Variants in SHARPIN observed in about 807,000 individuals in gnomAD.
The protein encoded by SHARPIN is SHANK associated RH domain interactor.
SHARPIN carries 25 observed loss-of-function variants against 40.3 expected under a neutral mutation model. That is an observed-to-expected ratio of 0.62 (90% confidence interval 0.45 to 0.87). SHARPIN has a LOEUF of 0.87. Among genes scored for constraint, SHARPIN ranks in the 40% least tolerant of loss-of-function variants. The pLI, the probability that SHARPIN is intolerant of heterozygous loss-of-function variation, is 0.00. For synonymous variants in SHARPIN, 274 were observed against 221.8 expected (o/e 1.24, Z -2.09); for missense variants, 551 against 516.1 (o/e 1.07, Z -0.66).
Position 144,099,013 on chromosome 8 carries a change from T to C in SHARPIN, c.1048-19A>G. On this transcript the variant is annotated intron_variant, in intron 7 of 8. Transcript: ENST00000398712. ...AGCTGGGCTGGGGGAAGAGAGACAG[T>C]TGTTGCTTCCCTGCTCTTTCCAATG... is the stretch of plus-strand genomic sequence containing the variant. The C allele has an allele frequency of 1.3e-6, 2 of 1,598,054 alleles. No individual in the cohort carries two copies. Among genetic ancestry groups the C allele is most frequent in the African/African-American group, 1.4e-5 (1 of 73,976 alleles).
In SHARPIN at chr8:144,103,219, A is replaced by C. The variant is rs772240216; in HGVS notation, c.208T>G (p.Leu70Val). Residue 70 changes from leucine (L) to valine (V), a missense_variant, in exon 2 of 9, where the codon TTG (leucine) becomes GTG (valine). Coordinates refer to ENST00000398712, the MANE Select transcript of SHARPIN (RefSeq NM_030974.4). ...GAAACTGACTCCAGGGGCCACTCCA[A>C]ATTAACCTGAGAAGAGGGAGAGTCC... is the stretch of plus-strand genomic sequence containing the variant. ...LLGAGPGAVNLEWPLESVSYT... is the reference protein window; with the variant it reads ...LLGAGPGAVNVEWPLESVSYT... 2.5e-6 allele frequency: 4 copies of C among 1,604,892 alleles called. No individual in the cohort carries two copies. The highest frequency in any genetic ancestry group is 3.4e-6 in the Non-Finnish European group (4 of 1,175,404).
chr8:144,103,041 G>A lies in SHARPIN; in HGVS notation c.376+10C>T, dbSNP rs1408946652. ...CCAAATTGTAATTGTATCCATTACA[G>A]GGCACTGACCATTCTGTCCTTCCAC... On this transcript the variant is annotated intron_variant, in intron 2 of 8. Coordinates refer to ENST00000398712, the MANE Select transcript of SHARPIN (RefSeq NM_030974.4). 1.2e-6 allele frequency: 2 copies of A among 1,613,180 alleles called. No individual in the cohort carries two copies. Among genetic ancestry groups the A allele is most frequent in the Non-Finnish European group, 8.5e-7 (1 of 1,179,848 alleles).
chr8:144,103,610 C>G lies in SHARPIN; in HGVS notation c.144G>C (p.Ala48=). ...GGAAGCGCCCAGGCCGCTCAGGGTC[C>G]GCGCTCAGCTGCAGCCTCCGCAGCT... The part of the protein sequence containing the change: ...EAQLRRLQLS[A]DPERPGRFRL... The change falls in exon 1 of 9, where the codon GCG becomes GCC. Residue 48 remains alanine, a synonymous_variant. Transcript: ENST00000398712. 3 of 1,530,168 alleles carry G rather than the reference C, an allele frequency of 2.0e-6. No individual in the cohort carries two copies. The highest frequency in any genetic ancestry group is 2.5e-5 in the East Asian group (1 of 40,672). 94.8% of individuals were successfully genotyped at this position (1,530,168 alleles called of 1,614,324 possible). A position where few individuals can be genotyped will look rare whatever the true frequency, so the allele number is the denominator to read the frequency against.
intron 2 of SHARPIN, among the ~76,000 whole-genome samples, chr8:144,102,071 C>T (rs1157120038): frequency 6.6e-6 from 1 of 152,144 alleles, no homozygotes; most frequent in Non-Finnish European, 1.5e-5. Flanking sequence ...CTAACTCTTC[C>T]ATTTAAGCAG....
intron 2 of SHARPIN, 53 bp downstream of exon 2, chr8:144,102,998 T>C: frequency 6.2e-7 from 1 of 1,608,550 alleles, no homozygotes; most frequent in Non-Finnish European, 8.5e-7. Flanking sequence ...CAACCAGGAC[T>C]GGGGGGCCAA....
Position 144,098,867 on chromosome 8 carries a change from T to C in SHARPIN, c.*11A>G. ...CCCTGCCTGTGCCACCTCTGGTACCTCTGGTGGCTGCTAGGTGGAAGCTGC... is the reference window on the plus strand; with the variant it reads ...CCCTGCCTGTGCCACCTCTGGTACCCCTGGTGGCTGCTAGGTGGAAGCTGC... On this transcript the variant is annotated splice_region_variant and 3_prime_UTR_variant, in exon 8 of 9. Coordinates refer to ENST00000398712, the MANE Select transcript of SHARPIN (RefSeq NM_030974.4). 1 of 1,572,406 alleles carries C rather than the reference T, an allele frequency of 6.4e-7. No individual in the cohort carries two copies. Among genetic ancestry groups the C allele is most frequent in the Non-Finnish European group, 8.6e-7 (1 of 1,161,996 alleles).
chr8:144,099,893 T>TGGCCCC, intron 3 of SHARPIN, 36 bp downstream of exon 3: 1 of 1,550,880 alleles, frequency 6.4e-7, no homozygotes, highest in Non-Finnish European at 8.8e-7. Context: ...CTATCTGCTA[T>TGGCCCC]CCCCGAACCC....
chr8:144,099,690 C>T lies in SHARPIN; in HGVS notation c.659+13G>A. The T allele has an allele frequency of 1.9e-6, 3 of 1,613,426 alleles. No individual in the cohort carries two copies. Among genetic ancestry groups the T allele is most frequent in the Non-Finnish European group, 1.7e-6 (2 of 1,179,808 alleles). On this transcript the variant is annotated intron_variant, in intron 4 of 8. Transcript: ENST00000398712. The stretch of plus-strand genomic sequence containing the variant: ...TCACGAGGACAAGGTGAAGAAGCAG[C>T]CCCAGGCCTCACCTGATGGGGCCAG...
chr8:144,099,599 C>T lies in SHARPIN; in HGVS notation c.679G>A (p.Asp227Asn). 2.5e-6 allele frequency: 4 copies of T among 1,614,058 alleles called. No individual in the cohort carries two copies. Among genetic ancestry groups the T allele is most frequent in the Non-Finnish European group, 3.4e-6 (4 of 1,179,998 alleles). ...GCGGCGGATGCGGCAGAGGCAGCGTCTTCAAGTGTGACCTGCAGCCTGTGC... is the reference window on the plus strand; with the variant it reads ...GCGGCGGATGCGGCAGAGGCAGCGTTTTCAAGTGTGACCTGCAGCCTGTGC... ...GPIRLQVTLE[D>N]AASAASAASS... The change falls in exon 5 of 9, where the codon GAC becomes AAC. Residue 227 changes from aspartate to asparagine, a missense_variant. By Grantham distance (23) the Asp-to-Asn change is conservative (BLOSUM62 1). Transcript: ENST00000398712.
Position 144,099,292 on chromosome 8 carries a change from G to A in SHARPIN, c.907C>T (p.Pro303Ser), listed in dbSNP as rs532871584. Residue 303 changes from proline (P) to serine (S), a missense_variant, in exon 6 of 9, where the codon CCT becomes TCT. Pro to Ser is a moderately conservative substitution (Grantham distance 74, BLOSUM62 -1). Transcript: ENST00000398712. The part of the protein sequence containing the change: ...DPAFLYLLSA[P>S]REAPATGPSP... Reference sequence around the variant, plus strand: ...GAGGACTGACCTGGGGCTTCTCGAGGAGCTGACAGCAAGTAGAGGAAAGCA... The same window carrying A: ...GAGGACTGACCTGGGGCTTCTCGAGAAGCTGACAGCAAGTAGAGGAAAGCA... The A allele has an allele frequency of 7.6e-5, 122 of 1,614,116 alleles. No homozygotes were observed. The East Asian group carries it at 2.5e-3, about 33-fold the overall frequency.
Position 144,103,715 on chromosome 8 carries a change from C to G in SHARPIN, c.39G>C (p.Ser13=). ...AGAGCACTGCGGCGGAGCCCAAGTC[C>G]GAGGCCGCCGCCGCCGCCCCGCCCG... ...PPAGGAAAAA[S]DLGSAAVLLA... The change falls in exon 1 of 9, where the codon TCG becomes TCC. Residue 13 remains serine, a synonymous_variant. Transcript: ENST00000398712. The G allele has an allele frequency of 7.1e-7, 1 of 1,411,272 alleles. No individual in the cohort carries two copies. The highest frequency in any genetic ancestry group is 9.2e-7 in the Non-Finnish European group (1 of 1,089,054). The allele number at this position is 1,411,272 out of a possible 1,614,324, so 87.4% of individuals were successfully genotyped here. A position where few individuals can be genotyped will look rare whatever the true frequency, so the allele number is the denominator to read the frequency against.
chr8:144,100,191 C>T (rs1352096873), intron 2 of SHARPIN, 122 bp from the exon 3 acceptor site: 1 of 1,184,982 alleles, frequency 8.4e-7, no homozygotes, highest in Non-Finnish European at 1.1e-6. Flanking sequence ...CCTCAGGCCA[C>T]ACTTCTAGCC....
In SHARPIN at chr8:144,099,552, C is replaced by T. The variant is rs1423195803; in HGVS notation, c.726G>A (p.Leu242=). ...ASAASSAHVA[L]QVHPHCTVAA... is the part of the protein sequence containing the mutation. ...CAACAGTGCAGTGGGGGTGGACCTGCAGGGCAACGTGTGCAGAGGACGCGG... is the reference window on the plus strand; with the variant it reads ...CAACAGTGCAGTGGGGGTGGACCTGTAGGGCAACGTGTGCAGAGGACGCGG... The change falls in exon 5 of 9, where the codon CTG becomes CTA. Residue 242 remains leucine (L), a synonymous_variant. Coordinates refer to ENST00000398712, the MANE Select transcript of SHARPIN (RefSeq NM_030974.4). 6.2e-7 allele frequency: 1 copy of T among 1,614,080 alleles called. No individual in the cohort carries two copies. Among genetic ancestry groups the T allele is most frequent in the Non-Finnish European group, 8.5e-7 (1 of 1,180,014 alleles).
intron 2 of SHARPIN, among the ~76,000 whole-genome samples, chr8:144,101,396 T>C: frequency 1.6e-5 from 2 of 127,352 alleles, no homozygotes; most frequent in Admixed American, 9.2e-5. Flanking sequence ...ACGACTACAC[T>C]CAGCTAATTT....
chr8:144,100,163 G>A (rs1178677765), intron 2 of SHARPIN, 94 bp from the exon 3 acceptor site: 1 of 1,452,092 alleles, frequency 6.9e-7, no homozygotes, highest in South Asian at 1.4e-5. Context: ...CCTCACCTCA[G>A]TCCATGCCAG....
At chr8:144,100,840 CTT>C (rs35333153) in intron 2 of SHARPIN, 2 of 144,522 alleles carry the variant, frequency 1.4e-5, no homozygotes, top group Non-Finnish European at 1.5e-5. Context: ...CCTGCCACCA[CTT>C]TTTTTTTTTT....
chr8:144,103,614 C>G lies in SHARPIN; in HGVS notation c.140G>C (p.Ser47Thr), dbSNP rs1349716342. 2 of 1,530,120 alleles carry G rather than the reference C, an allele frequency of 1.3e-6. No individual in the cohort carries two copies. The highest frequency in any genetic ancestry group is 2.8e-5 in the African/African-American group (2 of 72,472). The allele number at this position is 1,530,120 out of a possible 1,614,324, so 94.8% of individuals were successfully genotyped here. A position where few individuals can be genotyped will look rare whatever the true frequency, so the allele number is the denominator to read the frequency against. ...GCGCCCAGGCCGCTCAGGGTCCGCGCTCAGCTGCAGCCTCCGCAGCTGTGC... is the reference window on the plus strand; with the variant it reads ...GCGCCCAGGCCGCTCAGGGTCCGCGGTCAGCTGCAGCCTCCGCAGCTGTGC... ...AEAQLRRLQL[S>T]ADPERPGRFR... Residue 47 changes from serine (S) to threonine (T), a missense_variant, in exon 1 of 9, where the codon AGC becomes ACC. Transcript: ENST00000398712.
At chr8:144,103,463 A>G (rs964010740) in intron 1 of SHARPIN, 90 bp downstream of exon 1, 17 of 1,338,426 alleles carry the variant, frequency 1.3e-5, no homozygotes, top group Non-Finnish European at 1.6e-5. Context: ...GCTTAAGGGC[A>G]CCCAGGTGGC....
Position 144,099,703 on chromosome 8 carries a change from C to G in SHARPIN, c.659G>C (p.Arg220Thr). ...QEACFPPGPI[R>T]LQVTLEDAAS... Reference sequence around the variant, plus strand: ...GTGAAGAAGCAGCCCCAGGCCTCACCTGATGGGGCCAGGTGGGAAGCAGGC... The same window carrying G: ...GTGAAGAAGCAGCCCCAGGCCTCACGTGATGGGGCCAGGTGGGAAGCAGGC... The change falls in exon 4 of 9, where the codon AGG becomes ACG. Residue 220 changes from arginine to threonine, a missense_variant and splice_region_variant. Physicochemically the swap from Arg to Thr is moderately conservative, Grantham distance 71. Coordinates refer to ENST00000398712, the MANE Select transcript of SHARPIN (RefSeq NM_030974.4). 1 of 1,613,622 alleles carries G rather than the reference C, an allele frequency of 6.2e-7. No homozygotes were observed. Among genetic ancestry groups the G allele is most frequent in the South Asian group, 1.1e-5 (1 of 91,064 alleles).
Sources: allele counts gnomAD v4.1 joint callset (sites outside exome capture counted in the v4.1 genomes callset), GRCh38; gene constraint gnomAD v4.1.1; transcripts MANE v1.5; gene names NCBI Gene and HGNC (gene_info 2026-07-23, HGNC 2026-07-21).